Variants in LGSN observed in about 807,000 individuals in gnomAD.
The protein encoded by LGSN is lengsin.
A neutral mutation model predicts 19.5 loss-of-function variants in LGSN; 21 were observed. That is an observed-to-expected ratio of 1.07 (90% CI 0.76 to 1.55). The LOEUF is 1.55. Ranked by LOEUF, LGSN falls within the 40% of genes most tolerant of loss-of-function variation. The pLI, the probability that LGSN is intolerant of heterozygous loss-of-function variation, is 0.00. For missense variants in LGSN, 673 were observed against 608.5 expected (o/e 1.11, Z -1.12); for synonymous variants, 257 against 215.6 (o/e 1.19, Z -1.68).
chr6:63,412,559 A>AAAGG, the LGSN span, among the ~76,000 whole-genome samples: 17 of 135,040 alleles, frequency 1.3e-4, no homozygotes. Context: ...AGAAAGAAAG[A>AAAGG]AAGAAAGAAA....
At chr6:63,324,808 T>TAA (rs113742163), upstream of LGSN, among the ~76,000 whole-genome samples, 1,036 of 141,224 alleles carry the variant, frequency 7.3e-3, 12 homozygotes, top group African/African-American at 0.024. Flanking sequence ...AACACCTACA[T>TAA]AAAAAAAAAA....
chr6:63,336,559 G>GTATA, the LGSN span, among the ~76,000 whole-genome samples: 1,318 of 124,684 alleles, frequency 0.011, 9 homozygotes, highest in East Asian at 0.032. Flanking sequence ...GTGTGTGTGT[G>GTATA]TGTATATATA....
chr6:63,340,689 G>T, the LGSN span, among the ~76,000 whole-genome samples: 2 of 147,856 alleles, frequency 1.4e-5, no homozygotes, highest in African/African-American at 5.0e-5. Context: ...TGATTTCCTT[G>T]TATGGTTTAT....
Position 63,280,824 on chromosome 6 carries a change from G to T in LGSN, c.727C>A (p.Leu243Ile), listed in dbSNP as rs377421874. 3.1e-6 allele frequency: 5 copies of T among 1,613,902 alleles called. No individual in the cohort carries two copies. In the African/African-American group the frequency reaches 5.3e-5, roughly 17 times the overall value. ...NNHDQPFMQE[L>I]VDGLYHTGAN... ...CCAGTGTGATACAAGCCATCAACAAGTTCCTGCATGAAGGGCTGATCATGG... is the reference window on the plus strand; with the variant it reads ...CCAGTGTGATACAAGCCATCAACAATTTCCTGCATGAAGGGCTGATCATGG... Residue 243 changes from leucine to isoleucine, a missense_variant, in exon 4 of 4, where the codon CTT (leucine) becomes ATT (isoleucine). Leu to Ile is a conservative substitution (Grantham distance 5). Coordinates refer to ENST00000370657, the MANE Select transcript of LGSN (RefSeq NM_016571.3).
At chr6:63,415,713 G>C in the LGSN span, among the ~76,000 whole-genome samples, 1 of 152,224 alleles carries the variant, frequency 6.6e-6, no homozygotes, top group Admixed American at 6.5e-5. Context: ...TCTTGAGATA[G>C]CTAGAGCGAC....
At chr6:63,557,173 T>C in the LGSN span, among the ~76,000 whole-genome samples, 1 of 152,168 alleles carries the variant, frequency 6.6e-6, no homozygotes, top group East Asian at 1.9e-4. Context: ...ATTATCATCA[T>C]GGGATGAATG....
At chr6:63,547,871 C>T in the LGSN span, among the ~76,000 whole-genome samples, 2 of 152,128 alleles carry the variant, frequency 1.3e-5, no homozygotes, top group African/African-American at 4.8e-5. Context: ...TTTGTTCTTG[C>T]ACTTTCCAAC....
chr6:63,411,947 T>C, the LGSN span, among the ~76,000 whole-genome samples: 32 of 152,196 alleles, frequency 2.1e-4, no homozygotes, highest in African/African-American at 7.5e-4. Context: ...AAATATCTTA[T>C]GTAGAAATAT....
In LGSN at chr6:63,280,875, A is replaced by C; in HGVS notation, c.676T>G (p.Phe226Val). 1 of 1,614,022 alleles carries C rather than the reference A, an allele frequency of 6.2e-7. No individual in the cohort carries two copies. The highest frequency in any genetic ancestry group is 8.5e-7 in the Non-Finnish European group (1 of 1,180,014). The change falls in exon 4 of 4, where the codon TTT becomes GTT. Residue 226 changes from phenylalanine (F) to valine (V), a missense_variant. By Grantham distance (50) the Phe-to-Val change is conservative (BLOSUM62 -1). Transcript: ENST00000370657. ...TTATTTAAAAATGTTAAAGCAGGAA[A>C]AGATATAATCTTTGAATTTAAAATT... The part of the protein sequence containing the change: ...PEILNSKIIS[F>V]PALTFLNNHD...
the LGSN span, among the ~76,000 whole-genome samples, chr6:63,415,639 G>C: frequency 6.6e-6 from 1 of 152,208 alleles, no homozygotes; most frequent in African/African-American, 2.4e-5. Flanking sequence ...TGGGGATTAT[G>C]AGGACTATAA....
At chr6:63,548,590 G>T in the LGSN span, 1 of 303,906 alleles carries the variant, frequency 3.3e-6, no homozygotes, top group Non-Finnish European at 6.3e-6. Context: ...CAGGGTACAT[G>T]GTAGAAATTC....
In LGSN at chr6:63,279,233, G is replaced by C. The variant is rs1219942047; in HGVS notation, c.*788C>G. The C allele has an allele frequency of 1.3e-5, 2 of 152,214 alleles. 1 individual carries two copies. Among genetic ancestry groups the C allele is most frequent in the Admixed American group, 1.3e-4 (2 of 15,284 alleles). The allele number at this position is 152,214 out of a possible 1,614,324, so 9.4% of individuals were successfully genotyped here. ...TTCAAAGAATGAAGCAGAGTAGACA[G>C]AGCCCACCTACCCTCACACACAAAC... On this transcript the variant is annotated 3_prime_UTR_variant, in exon 4 of 4. Coordinates refer to ENST00000370657, the MANE Select transcript of LGSN (RefSeq NM_016571.3).
At chr6:63,517,415 T>C in the LGSN span, among the ~76,000 whole-genome samples, 1 of 152,194 alleles carries the variant, frequency 6.6e-6, no homozygotes, top group East Asian at 1.9e-4. Flanking sequence ...ATGTTCTTAG[T>C]CTGAAGGACT....
the LGSN span, among the ~76,000 whole-genome samples, chr6:63,434,682 C>T: frequency 6.6e-6 from 1 of 151,582 alleles, no homozygotes; most frequent in Non-Finnish European, 1.5e-5. Context: ...GAGTGGCAAC[C>T]CAACAAAAAG....
At chr6:63,548,862 G>T in the LGSN span, 1 of 766,612 alleles carries the variant, frequency 1.3e-6, no homozygotes, top group East Asian at 2.4e-5. Context: ...CACTAGCTTA[G>T]CCAAAGCGCC....
chr6:63,556,070 A>G, the LGSN span, among the ~76,000 whole-genome samples: 1 of 152,170 alleles, frequency 6.6e-6, no homozygotes, highest in African/African-American at 2.4e-5. Context: ...CTAAATTTCC[A>G]AAAAAATTAC....
At chr6:63,398,108 A>G in the LGSN span, among the ~76,000 whole-genome samples, 1 of 151,654 alleles carries the variant, frequency 6.6e-6, no homozygotes, top group African/African-American at 2.4e-5. Flanking sequence ...AGTATGTACA[A>G]TTATGTACAG....
the LGSN span, among the ~76,000 whole-genome samples, chr6:63,332,671 G>A: frequency 6.6e-6 from 1 of 152,114 alleles, no homozygotes; most frequent in African/African-American, 2.4e-5. Flanking sequence ...ACAGGTGCCC[G>A]GTATTTAGCC....
the LGSN span, among the ~76,000 whole-genome samples, chr6:63,483,522 C>T: frequency 2.6e-5 from 4 of 152,090 alleles, no homozygotes; most frequent in East Asian, 3.9e-4. Context: ...TGCACCACCA[C>T]GCCCGGCTAA....
Sources: allele counts gnomAD v4.1 joint callset (sites outside exome capture counted in the v4.1 genomes callset), GRCh38; gene constraint gnomAD v4.1.1; transcripts MANE v1.5; gene names NCBI Gene and HGNC (gene_info 2026-07-23, HGNC 2026-07-21).